Variants in PDE4B observed in about 807,000 individuals in gnomAD.
The protein encoded by PDE4B is phosphodiesterase 4B.
A neutral mutation model predicts 82.2 loss-of-function variants in PDE4B; 20 were observed. The observed-to-expected ratio is 0.24, with a 90% CI of 0.17 to 0.35. PDE4B has a LOEUF of 0.35. Among genes scored for constraint, PDE4B ranks in the 10% least tolerant of loss-of-function variants. The pLI is 1.00. For missense variants in PDE4B, 655 were observed against 907.2 expected, an observed-to-expected ratio of 0.72 and a Z score of 3.57; for synonymous variants, 320 against 318.9, an observed-to-expected ratio of 1.00 and a Z score of -0.04.
chr1:66,148,555 A>C (rs1194944554), intron 3 of PDE4B, among the ~76,000 whole-genome samples: 1 of 152,182 alleles, frequency 6.6e-6, no homozygotes, highest in East Asian at 1.9e-4. Flanking sequence ...TATTTTTAGT[A>C]TATTTATGGA....
At chr1:66,029,913 C>T (rs1195760846) in intron 3 of PDE4B, among the ~76,000 whole-genome samples, 1 of 152,076 alleles carries the variant, frequency 6.6e-6, no homozygotes, top group African/African-American at 2.4e-5. Context: ...AAGCAATATT[C>T]CTTTTGTTGC....
At chr1:65,893,199 T>G (rs997206792) in intron 1 of PDE4B, among the ~76,000 whole-genome samples, 1 of 152,108 alleles carries the variant, frequency 6.6e-6, no homozygotes, top group Non-Finnish European at 1.5e-5. Flanking sequence ...GATAAACTCA[T>G]TAGTGGACTT....
intron 1 of PDE4B, among the ~76,000 whole-genome samples, chr1:65,905,871 C>T (rs1477787063): frequency 1.3e-5 from 2 of 152,138 alleles, no homozygotes; most frequent in African/African-American, 4.8e-5. Context: ...TTCTCCTCTC[C>T]TAAGATGAGA....
At chr1:66,266,601 C>T (rs1264278097) in intron 7 of PDE4B, 10 of 431,720 alleles carry the variant, frequency 2.3e-5, no homozygotes, top group Admixed American at 5.8e-5. Context: ...GGGCATCCAA[C>T]TTTGTTCCTC....
At chr1:65,856,238 G>A (rs1169469420) in intron 1 of PDE4B, among the ~76,000 whole-genome samples, 1 of 152,094 alleles carries the variant, frequency 6.6e-6, no homozygotes, top group Admixed American at 6.6e-5. Context: ...TGGGCAGAAC[G>A]TGCAGGTTTG....
chr1:66,251,284 G>T (rs1570558402), intron 4 of PDE4B, among the ~76,000 whole-genome samples: 1 of 152,142 alleles, frequency 6.6e-6, no homozygotes, highest in African/African-American at 2.4e-5. Context: ...TAATGATGAG[G>T]ATATTAGGGC....
chr1:65,863,204 C>T (rs538426446), intron 1 of PDE4B, among the ~76,000 whole-genome samples: 2 of 152,288 alleles, frequency 1.3e-5, no homozygotes, highest in East Asian at 3.9e-4. Flanking sequence ...TATGTTGTCT[C>T]TTTGTTCTCA....
chr1:66,068,704 C>T (rs887707894), intron 3 of PDE4B, among the ~76,000 whole-genome samples: 3 of 151,818 alleles, frequency 2.0e-5, no homozygotes, highest in Admixed American at 6.6e-5. Context: ...TATATAAGGC[C>T]ATTACAATAT....
Position 66,343,446 on chromosome 1 carries a change from C to A in PDE4B, c.747+10826C>A, listed in dbSNP as rs1389267614. Among the ~76,000 whole-genome samples the A allele has an allele frequency of 3.3e-5, 5 of 152,264 alleles. No homozygotes were observed. In the East Asian group the frequency reaches 9.7e-4, roughly 29 times the overall value. On this transcript the variant is annotated intron_variant, in intron 8 of 16. Coordinates refer to ENST00000341517, the MANE Select transcript of PDE4B (RefSeq NM_002600.4). ...CCAAACTGTGGGGCTTTTTTTGAAA[C>A]CCTCCCTTAGCTATTCTAACTTCCA...
intron 1 of PDE4B, among the ~76,000 whole-genome samples, chr1:65,875,983 T>G (rs936030618): frequency 6.6e-6 from 1 of 152,004 alleles, no homozygotes; most frequent in Admixed American, 6.6e-5. Flanking sequence ...AAAAGAAAGA[T>G]TTTTTTCTTC....
intron 1 of PDE4B, among the ~76,000 whole-genome samples, chr1:65,870,028 G>C (rs1188821053): frequency 6.6e-6 from 1 of 152,116 alleles, no homozygotes; most frequent in Non-Finnish European, 1.5e-5. Flanking sequence ...GCTCACATAT[G>C]TCATAAGATT....
chr1:65,883,971 G>A (rs565708413), intron 1 of PDE4B, among the ~76,000 whole-genome samples: 10 of 152,210 alleles, frequency 6.6e-5, no homozygotes, highest in South Asian at 6.2e-4. Flanking sequence ...ATTGATGTGC[G>A]TGTGTTGAAC....
chr1:66,224,780 C>G (rs1651300040), intron 3 of PDE4B, among the ~76,000 whole-genome samples: 1 of 152,158 alleles, frequency 6.6e-6, no homozygotes, highest in Non-Finnish European at 1.5e-5. Context: ...CTAATGACCA[C>G]AAATCTCAGA....
chr1:65,895,723 G>A (rs1400502806), intron 1 of PDE4B, among the ~76,000 whole-genome samples: 1 of 151,190 alleles, frequency 6.6e-6, no homozygotes, highest in South Asian at 2.1e-4. Flanking sequence ...TAAAAATTAG[G>A]ATGGAGATCA....
At chr1:65,951,774 A>G (rs966246904) in intron 3 of PDE4B, among the ~76,000 whole-genome samples, 6 of 152,060 alleles carry the variant, frequency 3.9e-5, no homozygotes, top group African/African-American at 7.2e-5. Flanking sequence ...TTTACCCCAT[A>G]TATAGATCCC....
intron 1 of PDE4B, among the ~76,000 whole-genome samples, chr1:65,868,968 T>A (rs1367804706): frequency 6.6e-6 from 1 of 152,134 alleles, no homozygotes; most frequent in African/African-American, 2.4e-5. Flanking sequence ...ACAAAACTGG[T>A]CCCTGGTGTC....
At chr1:66,371,356 C>G (rs1271143476) in intron 16 of PDE4B, among the ~76,000 whole-genome samples, 1 of 151,270 alleles carries the variant, frequency 6.6e-6, no homozygotes, top group East Asian at 1.9e-4. Flanking sequence ...CAGGGGAATT[C>G]CCTTCCCTCA....
intron 3 of PDE4B, among the ~76,000 whole-genome samples, chr1:66,188,972 C>G (rs531590666): frequency 4.4e-4 from 67 of 152,248 alleles, no homozygotes; most frequent in African/African-American, 1.5e-3. Flanking sequence ...GTGGCTGGTA[C>G]CAGTTTTTCC....
rs1046506195 is a variant in PDE4B, at chr1:65,885,243, A to C, written c.-70-28002A>C. ...CTGGAGAGGATGTGAAGAAATAGGA[A>C]CACTTTTACACTGTTGGTGGGACTG... On this transcript the variant is annotated intron_variant, in intron 1 of 16. Transcript: ENST00000341517. 3.1e-4 allele frequency among the ~76,000 whole-genome samples: 47 copies of C among 152,308 alleles called. 2 individuals carry two copies. The highest frequency in any genetic ancestry group is 1.1e-3 in the African/African-American group (44 of 41,578).
Sources: allele counts gnomAD v4.1 joint callset (sites outside exome capture counted in the v4.1 genomes callset), GRCh38; gene constraint gnomAD v4.1.1; transcripts MANE v1.5; gene names NCBI Gene and HGNC (gene_info 2026-07-23, HGNC 2026-07-21).